TRDN: variants seen among roughly 807,000 people sequenced by gnomAD.
TRDN encodes triadin, also known as triadin in skeletal muscle.
TRDN carries 161 observed loss-of-function variants against 149.7 expected under a neutral mutation model. The observed-to-expected ratio is 1.08, with a 90% CI of 0.95 to 1.23. The LOEUF is 1.23. Ranked by LOEUF, TRDN falls within the 50% of genes most tolerant of loss-of-function variation. The pLI is 0.00. For missense variants in TRDN, 896 were observed against 823.5 expected, an observed-to-expected ratio of 1.09 and a Z score of -1.08; for synonymous variants, 294 against 250.5, an observed-to-expected ratio of 1.17 and a Z score of -1.64.
intron 4 of TRDN, among the ~76,000 whole-genome samples, chr6:123,531,806 A>G (rs1780267109): frequency 6.6e-6 from 1 of 152,046 alleles, no homozygotes; most frequent in African/African-American, 2.4e-5. Flanking sequence ...TTTACTCTAC[A>G]GCAGGGTTTC....
chr6:123,482,623 G>T (rs1030377019), intron 9 of TRDN, among the ~76,000 whole-genome samples: 6 of 152,128 alleles, frequency 3.9e-5, no homozygotes, highest in African/African-American at 1.4e-4. Context: ...AATGGAAAAG[G>T]TCTACATCTT....
intron 1 of TRDN, among the ~76,000 whole-genome samples, chr6:123,577,054 G>A (rs1782893460): frequency 6.6e-6 from 1 of 152,082 alleles, no homozygotes; most frequent in African/African-American, 2.4e-5. Flanking sequence ...CATTAGCACT[G>A]TTGAGAAGTA....
At chr6:123,453,890 GGT>G (rs533210679) in intron 10 of TRDN, among the ~76,000 whole-genome samples, 246 of 148,454 alleles carry the variant, frequency 1.7e-3, no homozygotes, top group African/African-American at 5.0e-3. Flanking sequence ...AAGAAACTGT[GGT>G]GTGTGTGTGT....
At chr6:123,274,927 C>G (rs1036561263) in intron 26 of TRDN, among the ~76,000 whole-genome samples, 4 of 152,030 alleles carry the variant, frequency 2.6e-5, no homozygotes, top group Non-Finnish European at 5.9e-5. Context: ...AAACATGAAA[C>G]AGAAACATGC....
At chr6:123,266,102 A>T (rs1031486942) in intron 32 of TRDN, among the ~76,000 whole-genome samples, 5 of 128,052 alleles carry the variant, frequency 3.9e-5, no homozygotes, top group African/African-American at 1.5e-4. Flanking sequence ...TATATATTAT[A>T]TATCATATGT....
chr6:123,241,015 C>T (rs927750870), intron 38 of TRDN, among the ~76,000 whole-genome samples: 2 of 151,702 alleles, frequency 1.3e-5, no homozygotes, highest in Admixed American at 6.6e-5. Context: ...GAAGTATATT[C>T]TGTTTGTGTT....
chr6:123,628,458 G>T (rs1288370550), intron 1 of TRDN, among the ~76,000 whole-genome samples: 2 of 151,868 alleles, frequency 1.3e-5, no homozygotes, highest in African/African-American at 4.8e-5. Context: ...TGATATCAAA[G>T]AACAATGGTC....
chr6:123,393,751 G>T, intron 12 of TRDN, 74 bp from the exon 13 acceptor site: 1 of 1,367,780 alleles, frequency 7.3e-7, no homozygotes, highest in Non-Finnish European at 1.0e-6. Context: ...AGGGACAGGG[G>T]AGCACAAACA....
intron 6 of TRDN, among the ~76,000 whole-genome samples, chr6:123,512,800 G>A (rs959322339): frequency 2.0e-5 from 3 of 151,944 alleles, no homozygotes; most frequent in Admixed American, 1.3e-4. Context: ...AATAACAATG[G>A]TAATTAAACT....
At chr6:123,360,423 T>C (rs1221213008) in intron 20 of TRDN, among the ~76,000 whole-genome samples, 1 of 152,184 alleles carries the variant, frequency 6.6e-6, no homozygotes, top group Non-Finnish European at 1.5e-5. Context: ...GCCAGTCATA[T>C]GGAGAGAACC....
intron 12 of TRDN, among the ~76,000 whole-genome samples, chr6:123,393,982 T>C (rs1582962423): frequency 6.6e-6 from 1 of 152,168 alleles, no homozygotes; most frequent in Non-Finnish European, 1.5e-5. Flanking sequence ...AATCTCAGAA[T>C]TCTATTTAAA....
At position 123,265,350 on chromosome 6, in the gene TRDN, A is replaced by G; in HGVS notation, c.1784-12T>C. On this transcript the variant is annotated splice_polypyrimidine_tract_variant and intron_variant, in intron 32 of 40. Transcript: ENST00000334268. ...TGGTTTTGGTTTGTCTAAAAAGGAA[A>G]AAAGAAAAAAAAAGAAAATGAGTGA... is the stretch of plus-strand genomic sequence containing the variant. The G allele has an allele frequency of 1.4e-6, 2 of 1,392,986 alleles. No homozygotes were observed. The highest frequency in any genetic ancestry group is 9.6e-7 in the Non-Finnish European group (1 of 1,037,300). 86.3% of individuals were successfully genotyped at this position (1,392,986 alleles called of 1,614,324 possible).
chr6:123,481,186 A>C (rs75570558), intron 9 of TRDN, among the ~76,000 whole-genome samples: 1 of 152,222 alleles, frequency 6.6e-6, no homozygotes, highest in African/African-American at 2.4e-5. Context: ...TTGGTGATAA[A>C]CCATTTGTGC....
chr6:123,442,398 T>C (rs1381986517), intron 10 of TRDN: 1 of 136,990 alleles, frequency 7.3e-6, no homozygotes, highest in Non-Finnish European at 1.5e-5. Flanking sequence ...AAAAAAAAAT[T>C]AGCCGGGCGT....
intron 2 of TRDN, among the ~76,000 whole-genome samples, chr6:123,565,304 T>A (rs1782224238): frequency 6.6e-6 from 1 of 152,096 alleles, no homozygotes; most frequent in Non-Finnish European, 1.5e-5. Context: ...GAGCAACGTT[T>A]CTCTGTCCTC....
intron 38 of TRDN, among the ~76,000 whole-genome samples, chr6:123,251,854 A>C (rs1353217798): frequency 6.6e-6 from 1 of 151,966 alleles, no homozygotes; most frequent in Non-Finnish European, 1.5e-5. Context: ...ACTATAGGAG[A>C]TACATCCATT....
chr6:123,580,363 A>C (rs1168344584), intron 1 of TRDN, among the ~76,000 whole-genome samples: 1 of 152,204 alleles, frequency 6.6e-6, no homozygotes, highest in Admixed American at 6.5e-5. Context: ...AAGGCTAGTA[A>C]AATTTAAAAG....
intron 1 of TRDN, among the ~76,000 whole-genome samples, chr6:123,591,243 C>T (rs376068687): frequency 2.0e-5 from 3 of 151,830 alleles, no homozygotes; most frequent in African/African-American, 4.8e-5. Context: ...TTACCTGAAC[C>T]CAAATATTTT....
chr6:123,353,110 A>C (rs1780529472), intron 20 of TRDN, among the ~76,000 whole-genome samples: 1 of 151,888 alleles, frequency 6.6e-6, no homozygotes, highest in Non-Finnish European at 1.5e-5. Flanking sequence ...TTTTGCTCTC[A>C]GTGAAGTATT....
Sources: allele counts gnomAD v4.1 joint callset (sites outside exome capture counted in the v4.1 genomes callset), GRCh38; gene constraint gnomAD v4.1.1; transcripts MANE v1.5; gene names NCBI Gene and HGNC (gene_info 2026-07-23, HGNC 2026-07-21).